The following SPICE1 variants were observed in gnomAD, a reference collection of about 807,000 sequenced individuals.
The protein encoded by SPICE1 is spindle and centriole-associated protein 1.
In SPICE1, 75 loss-of-function variants were observed where a neutral mutation model predicts 102.7. The observed-to-expected ratio is 0.73, with a 90% CI of 0.61 to 0.88. The LOEUF (loss-of-function observed/expected upper bound fraction) is 0.88, where lower values mean the gene tolerates loss of function less well. Among genes scored for constraint, SPICE1 ranks in the 40% least tolerant of loss-of-function variants. The pLI is 0.00. For synonymous variants in SPICE1, 308 were observed against 350.3 expected (o/e 0.88, Z 1.35); for missense variants, 979 against 1,020.1 (o/e 0.96, Z 0.55).
chr3:113,451,486 G>A (rs902845196), intron 14 of SPICE1, among the ~76,000 whole-genome samples: 1 of 151,616 alleles, frequency 6.6e-6, no homozygotes, highest in Non-Finnish European at 1.5e-5. Context: ...TAAATAAATA[G>A]GAAAATCAGT....
At chr3:113,473,522 A>C (rs146726089) in intron 7 of SPICE1, among the ~76,000 whole-genome samples, 13 of 152,360 alleles carry the variant, frequency 8.5e-5, no homozygotes, top group African/African-American at 3.1e-4. Flanking sequence ...AAAAATGTTA[A>C]GGGCAGCCAG....
intron 7 of SPICE1, among the ~76,000 whole-genome samples, chr3:113,470,934 T>C (rs915325972): frequency 1.1e-4 from 16 of 152,236 alleles, no homozygotes; most frequent in Admixed American, 1.0e-3. Context: ...AGCAGACAAC[T>C]TGTCTTCTAG....
chr3:113,450,307 A>G (rs1207014575), intron 15 of SPICE1, 29 bp downstream of exon 15: 4 of 1,612,330 alleles, frequency 2.5e-6, no homozygotes, highest in South Asian at 2.2e-5. Flanking sequence ...TCATATTTCT[A>G]GTTTTTAAAT....
At chr3:113,486,639 T>C (rs1268646379) in intron 7 of SPICE1, among the ~76,000 whole-genome samples, 1 of 151,638 alleles carries the variant, frequency 6.6e-6, no homozygotes, top group Non-Finnish European at 1.5e-5. Context: ...TATGGGGAGA[T>C]TTCCAGGATA....
At chr3:113,509,132 T>A (rs561472157) in intron 1 of SPICE1, among the ~76,000 whole-genome samples, 1 of 152,124 alleles carries the variant, frequency 6.6e-6, no homozygotes, top group African/African-American at 2.4e-5. Context: ...CTTTGGGGAG[T>A]GAAGAAAATG....
rs1396052056 is a variant in SPICE1, at chr3:113,515,075, C to T, written c.-179G>A. The T allele has an allele frequency of 5.3e-6, 1 of 189,828 alleles. No homozygotes were observed. The highest frequency in any genetic ancestry group is 1.1e-5 in the Non-Finnish European group (1 of 90,964). 11.8% of individuals were successfully genotyped at this position (189,828 alleles called of 1,614,324 possible). A position where few individuals can be genotyped will look rare whatever the true frequency, so the allele number is the denominator to read the frequency against. ...GCAAGCCTCAGATCCATCATCTCAA[C>T]CTGCCTTGCAGTCGGTCCCGACTGC... is the stretch of plus-strand genomic sequence containing the variant. On this transcript the variant is annotated 5_prime_UTR_variant, in exon 1 of 18. Transcript: ENST00000295872.
chr3:113,445,359 A>G lies in SPICE1; in HGVS notation c.2516T>C (p.Ile839Thr), dbSNP rs1159542993. The G allele has an allele frequency of 1.9e-6, 3 of 1,612,592 alleles. No homozygotes were observed. The highest frequency in any genetic ancestry group is 3.3e-5 in the Admixed American group (2 of 59,890). The stretch of plus-strand genomic sequence containing the variant: ...CCAGCCTTCTTCATTCTGTTTCTCA[A>G]TCTGTTGAACAAAGACACGGAAAAA... ...RFTPLNPRAKIEKQNEEGWFA... is the reference protein window; with the variant it reads ...RFTPLNPRAKTEKQNEEGWFA... Residue 839 changes from isoleucine (I) to threonine (T), a missense_variant and splice_region_variant, in exon 18 of 18, where the codon ATT becomes ACT. Ile to Thr is a moderately conservative substitution (Grantham distance 89). Transcript: ENST00000295872.
chr3:113,445,828 T>G (rs1935500194), intron 17 of SPICE1, among the ~76,000 whole-genome samples: 1 of 152,178 alleles, frequency 6.6e-6, no homozygotes, highest in South Asian at 2.1e-4. Flanking sequence ...CCCTATCATT[T>G]AATTTGGGCT....
chr3:113,477,963 T>G (rs1936401007), intron 7 of SPICE1, among the ~76,000 whole-genome samples: 1 of 145,544 alleles, frequency 6.9e-6, no homozygotes, highest in Non-Finnish European at 1.5e-5. Flanking sequence ...AAAAAGAATC[T>G]GCCGAAAAAA....
rs1422898555 is a variant in SPICE1 at position 113,485,176 on chromosome 3, G to GTT, written c.611+3767_611+3768dup. Among the ~76,000 whole-genome samples the GTT allele has an allele frequency of 9.3e-3, 1,297 of 139,518 alleles. 21 individuals are homozygous for GTT. The highest frequency in any genetic ancestry group is 0.032 in the African/African-American group (1,219 of 38,594). The allele number at this position is 139,518 out of a possible 152,430, so 91.5% of individuals were successfully genotyped here. A position where few individuals can be genotyped will look rare whatever the true frequency, so the allele number is the denominator to read the frequency against. ...CAAACTAGCTGCAGGAGTTTTGTTT[G>GTT]TTTTTTTTTTTTTTTCCATACCACA... is the stretch of plus-strand genomic sequence containing the variant. On this transcript the variant is annotated intron_variant, in intron 7 of 17. Transcript: ENST00000295872.
chr3:113,447,931 A>C, intron 16 of SPICE1, 107 bp downstream of exon 16: 3 of 980,300 alleles, frequency 3.1e-6, no homozygotes, highest in Non-Finnish European at 4.3e-6. Flanking sequence ...AGTCTGTCTC[A>C]ACCTAAGTCA....
At chr3:113,499,348 A>G (rs1559975102) in intron 4 of SPICE1, 91 bp downstream of exon 4, 1 of 1,343,360 alleles carries the variant, frequency 7.4e-7, no homozygotes, top group Non-Finnish European at 1.0e-6. Flanking sequence ...TGATTACTAG[A>G]GTCTCTCCAA....
Position 113,453,744 on chromosome 3 carries a change from C to T in SPICE1, c.1864G>A (p.Val622Ile). ...TTGCAGAGGGGCTGTGAGAGGTTAA[C>T]AAAAGGAGCCTGAGTTTTGTTCTCC... ...DLENKTQAPF[V>I]NLSQPLCNSH... Residue 622 changes from valine to isoleucine, a missense_variant, in exon 14 of 18, where the codon GTT (valine) becomes ATT (isoleucine). Transcript: ENST00000295872. The T allele has an allele frequency of 6.2e-7, 1 of 1,614,086 alleles. No individual in the cohort carries two copies. The highest frequency in any genetic ancestry group is 8.5e-7 in the Non-Finnish European group (1 of 1,180,006).
At chr3:113,503,716 T>C (rs1245175895) in intron 2 of SPICE1, among the ~76,000 whole-genome samples, 1 of 152,062 alleles carries the variant, frequency 6.6e-6, no homozygotes, top group Non-Finnish European at 1.5e-5. Context: ...GTGGACCACC[T>C]GAGCTCAGGA....
chr3:113,445,813 C>A (rs1244203759), intron 17 of SPICE1, among the ~76,000 whole-genome samples: 1 of 152,144 alleles, frequency 6.6e-6, no homozygotes, highest in Non-Finnish European at 1.5e-5. Flanking sequence ...CATTTAATAT[C>A]TTTCCCCTAT....
At chr3:113,446,308 C>T (rs1935511880) in intron 17 of SPICE1, among the ~76,000 whole-genome samples, 1 of 151,530 alleles carries the variant, frequency 6.6e-6, no homozygotes, top group Non-Finnish European at 1.5e-5. Context: ...GTGTGTCCTG[C>T]CGTAAATATA....
At chr3:113,477,773 C>T (rs1187081480) in intron 7 of SPICE1, among the ~76,000 whole-genome samples, 4 of 112,524 alleles carry the variant, frequency 3.6e-5, no homozygotes, top group Non-Finnish European at 6.7e-5. Context: ...ACATCACACT[C>T]TGGGAACTGT....
intron 7 of SPICE1, among the ~76,000 whole-genome samples, chr3:113,477,989 A>G (rs1234930390): frequency 1.3e-5 from 2 of 151,926 alleles, no homozygotes; most frequent in Non-Finnish European, 2.9e-5. Flanking sequence ...TTAAAAAAAA[A>G]TTTAACTGAC....
intron 5 of SPICE1, 21 bp from the exon 6 acceptor site, chr3:113,493,333 G>T: frequency 2.5e-6 from 4 of 1,586,026 alleles, no homozygotes; most frequent in South Asian, 1.1e-5. Context: ...AAAAGAAGTT[G>T]TGATGATTTG....
Sources: allele counts gnomAD v4.1 joint callset (sites outside exome capture counted in the v4.1 genomes callset), GRCh38; gene constraint gnomAD v4.1.1; transcripts MANE v1.5; gene names NCBI Gene and HGNC (gene_info 2026-07-23, HGNC 2026-07-21).